Variants in FLNC observed in about 807,000 individuals in gnomAD.
The protein encoded by FLNC is filamin C, also known as filamin-C.
Under a neutral mutation model 254.3 loss-of-function variants are expected in FLNC, and 91 were observed. The ratio of observed to expected loss-of-function variants is 0.36; its 90% confidence interval spans 0.30 to 0.43. The LOEUF (loss-of-function observed/expected upper bound fraction) is 0.43. Ranked by LOEUF, FLNC falls within the 20% of genes least tolerant of loss-of-function variation. The pLI, the probability that FLNC is intolerant of heterozygous loss-of-function variation, is 1.00. For missense variants in FLNC, 2,853 were observed against 3,802.6 expected, an observed-to-expected ratio of 0.75 and a Z score of 6.57; for synonymous variants, 1,430 against 1,577.2, an observed-to-expected ratio of 0.91 and a Z score of 2.21.
rs1809046571 is a variant in FLNC, at chr7:128,856,140, C to T, written c.7252-378C>T. On this transcript the variant is annotated intron_variant, in intron 43 of 47. Transcript: ENST00000325888. The surrounding 1 kb of genome is among the most constrained non-coding windows in gnomAD (Gnocchi z 5.9). ...ACCTTCTCCAGGAAGCTCTCCCAGG[C>T]CAGGCCAGTGAAACTCAGCTTCCTA... Among the ~76,000 whole-genome samples, 1 of 152,208 alleles carries T rather than the reference C, an allele frequency of 6.6e-6. No individual in the cohort carries two copies. Among genetic ancestry groups the T allele is most frequent in the Non-Finnish European group, 1.5e-5 (1 of 68,040 alleles).
At chr7:128,855,374 G>A in intron 43 of FLNC, 60 bp downstream of exon 43, 1 of 1,095,156 alleles carries the variant, frequency 9.1e-7, no homozygotes, top group South Asian at 1.2e-5. Flanking sequence ...CAGGAGTTGA[G>A]GACAGCAGGT....
chr7:128,847,503 C>T (rs1173947385), intron 24 of FLNC, among the ~76,000 whole-genome samples, 194 bp from the exon 25 acceptor site: 1 of 152,218 alleles, frequency 6.6e-6, no homozygotes, highest in Non-Finnish European at 1.5e-5. Context: ...GAGGTTTGCC[C>T]AGCCTCAGTC....
intron 1 of FLNC, among the ~76,000 whole-genome samples, chr7:128,833,934 C>G (rs544820214): frequency 6.6e-6 from 1 of 152,102 alleles, no homozygotes; most frequent in Non-Finnish European, 1.5e-5. Context: ...GGAGCCCAGG[C>G]GGCCAGAGCC....
Position 128,838,617 on chromosome 7 carries a change from G to T in FLNC, c.1225G>T (p.Asp409Tyr). The T allele has an allele frequency of 6.2e-7, 1 of 1,613,014 alleles. No homozygotes were observed. Among genetic ancestry groups the T allele is most frequent in the Non-Finnish European group, 8.5e-7 (1 of 1,180,006 alleles). Residue 409 changes from aspartate (D) to tyrosine (Y), a missense_variant, in exon 8 of 48, where the codon GAT becomes TAT. Physicochemically the swap from Asp to Tyr is radical, Grantham distance 160. Around this residue, in one of 10 missense-constraint regions of FLNC, gnomAD observed 1,573 missense variants for 1,883.5 expected, o/e 0.84. Transcript: ENST00000325888. Reference sequence around the variant, plus strand: ...GTTTTCGGCAGGGGCCGGCACTGGCGATGTTGCTGTGGTGATCGTGGACCC... The same window carrying T: ...GTTTTCGGCAGGGGCCGGCACTGGCTATGTTGCTGTGGTGATCGTGGACCC... ...DIYTAGAGTG[D>Y]VAVVIVDPQG...
Position 128,855,233 on chromosome 7 carries a change from G to A in FLNC, c.7170G>A (p.Glu2390=). ...DYEVSIKFND[E]HIPDSPFVVP... ...AGGTCTCCATCAAGTTCAATGATGA[G>A]CACATCCCAGACAGCCCCTTTGTGG... The change falls in exon 43 of 48, where the codon GAG becomes GAA. Residue 2390 remains glutamate (E), a synonymous_variant. Coordinates refer to ENST00000325888, the MANE Select transcript of FLNC (RefSeq NM_001458.5). The A allele has an allele frequency of 6.2e-7, 1 of 1,613,628 alleles. No individual in the cohort carries two copies. The highest frequency in any genetic ancestry group is 8.5e-7 in the Non-Finnish European group (1 of 1,179,650).
rs1350832784 is a variant in FLNC at position 128,854,205 on chromosome 7, G to A, written c.6716G>A (p.Arg2239Gln). Reference sequence around the variant, plus strand: ...CTGGGATCCTTCGGCAGCATCACCCGGCAGCAGGAGGGTGAGCACCGCACA... The same window carrying A: ...CTGGGATCCTTCGGCAGCATCACCCAGCAGCAGGAGGGTGAGCACCGCACA... Reference protein sequence around the residue: ...ERLGSFGSITRQQEGEASSQD... With the variant: ...ERLGSFGSITQQQEGEASSQD... Residue 2239 changes from arginine (R) to glutamine (Q), a missense_variant, in exon 40 of 48, where the codon CGG becomes CAG. Transcript: ENST00000325888. 17 of 1,607,288 alleles carry A rather than the reference G, an allele frequency of 1.1e-5. No individual in the cohort carries two copies. Among genetic ancestry groups the A allele is most frequent in the South Asian group, 2.2e-5 (2 of 90,866 alleles).
Position 128,842,098 on chromosome 7 carries a change from G to A in FLNC, c.2122-133G>A. The A allele has an allele frequency of 1.1e-6, 1 of 927,318 alleles. No homozygotes were observed. The highest frequency in any genetic ancestry group is 1.7e-6 in the Non-Finnish European group (1 of 594,044). 57.4% of individuals were successfully genotyped at this position (927,318 alleles called of 1,614,324 possible). On this transcript the variant is annotated intron_variant, in intron 13 of 47. Coordinates refer to ENST00000325888, the MANE Select transcript of FLNC (RefSeq NM_001458.5). The surrounding 1 kb of genome is among the most constrained non-coding windows in gnomAD (Gnocchi z 5.4). ...GAGCACGTGGCCCTGGGCTCTGGTG[G>A]CCTCAGTGGCTGGTGTGGGGGCGGG... is the stretch of plus-strand genomic sequence containing the variant.
intron 8 of FLNC, 27 bp downstream of exon 8, chr7:128,838,830 G>C (rs747004046): frequency 6.2e-7 from 1 of 1,604,348 alleles, no homozygotes; most frequent in South Asian, 1.1e-5. Context: ...GCTCCCCACG[G>C]TAGCCCTTAC....
At chr7:128,845,960 C>A (rs764953062) in intron 21 of FLNC, 30 bp from the exon 22 acceptor site, 22 of 1,611,094 alleles carry the variant, frequency 1.4e-5, no homozygotes, top group Non-Finnish European at 1.9e-5. Context: ...TGCCCCCACC[C>A]CTGCTGAACA....
At position 128,848,972 on chromosome 7, in the gene FLNC, C is replaced by T; in HGVS notation, c.4917C>T (p.Cys1639=). 1 of 1,611,694 alleles carries T rather than the reference C, an allele frequency of 6.2e-7. No homozygotes were observed. Among genetic ancestry groups the T allele is most frequent in the South Asian group, 1.1e-5 (1 of 91,060 alleles). The stretch of plus-strand genomic sequence containing the variant: ...TGCCCACTGGGGATGCCAGCAAGTG[C>T]CTCGTCACAGGTGGGTGCCCACCCG... ...HALPTGDASK[C]LVTVSIGGHG... Residue 1639 remains cysteine, a synonymous_variant, in exon 28 of 48, where the codon TGC becomes TGT. Transcript: ENST00000325888.
In FLNC at chr7:128,842,311, G is replaced by C. The variant is rs769984017; in HGVS notation, c.2202G>C (p.Lys734Asn). The C allele has an allele frequency of 5.0e-6, 8 of 1,613,856 alleles. No homozygotes were observed. In the Middle Eastern group the frequency reaches 9.9e-4, roughly 200 times the overall value. ...TCCGCTGCTCCTACGTGCCCACCAAGCCCATTAAGCACACCATCATCATCT... is the reference window on the plus strand; with the variant it reads ...TCCGCTGCTCCTACGTGCCCACCAACCCCATTAAGCACACCATCATCATCT... ...GTFRCSYVPTKPIKHTIIISW... is the reference protein window; with the variant it reads ...GTFRCSYVPTNPIKHTIIISW... The change falls in exon 14 of 48, where the codon AAG becomes AAC. Residue 734 changes from lysine (K) to asparagine (N), a missense_variant. Around this residue, in one of 10 missense-constraint regions of FLNC, gnomAD observed 1,573 missense variants for 1,883.5 expected, o/e 0.84. Coordinates refer to ENST00000325888, the MANE Select transcript of FLNC (RefSeq NM_001458.5). This position sits in a 1 kb window ranked among gnomAD's most constrained non-coding sequence, Gnocchi z 5.4.
intron 1 of FLNC, among the ~76,000 whole-genome samples, chr7:128,831,926 G>A (rs1002567813): frequency 6.6e-6 from 1 of 152,174 alleles, no homozygotes; most frequent in South Asian, 2.1e-4. Context: ...GGGGCCTGGG[G>A]AAGATCCCCC....
chr7:128,845,708 T>A (rs1808531909), intron 21 of FLNC, among the ~76,000 whole-genome samples: 1 of 151,158 alleles, frequency 6.6e-6, no homozygotes, highest in African/African-American at 2.4e-5. Context: ...CACAGCCTGG[T>A]GGGTGACTCA....
chr7:128,853,047 G>GA lies in FLNC; in HGVS notation c.6208+17dup, dbSNP rs1159094051. Reference sequence around the variant, plus strand: ...CGCAATGCAGGTACCTCCTGCCCCAGAGAGCCCCCATTCCAGCGGGTGCCT... The same window carrying GA: ...CGCAATGCAGGTACCTCCTGCCCCAGAAGAGCCCCCATTCCAGCGGGTGCCT... On this transcript the variant is annotated intron_variant, in intron 37 of 47. Coordinates refer to ENST00000325888, the MANE Select transcript of FLNC (RefSeq NM_001458.5). The GA allele has an allele frequency of 6.2e-7, 1 of 1,610,572 alleles. No homozygotes were observed. Among genetic ancestry groups the GA allele is most frequent in the African/African-American group, 1.3e-5 (1 of 74,842 alleles).
At chr7:128,850,167 C>T (rs1477162846) in intron 31 of FLNC, 93 bp downstream of exon 31, 3 of 1,158,798 alleles carry the variant, frequency 2.6e-6, no homozygotes, top group Admixed American at 3.9e-5. Flanking sequence ...GGGACATGGT[C>T]TGGGGGCCTC....
At chr7:128,852,802 C>T in intron 36 of FLNC, 26 bp from the exon 37 acceptor site, 8 of 1,613,720 alleles carry the variant, frequency 5.0e-6, no homozygotes, top group Non-Finnish European at 6.8e-6. Flanking sequence ...CCACAGGATG[C>T]TCTGCCTAAC....
chr7:128,846,557 C>A, intron 23 of FLNC, 94 bp downstream of exon 23: 1 of 1,511,566 alleles, frequency 6.6e-7, no homozygotes, highest in Non-Finnish European at 9.1e-7. Flanking sequence ...TCAGCCCCAC[C>A]CCATCCTCTC....
Position 128,853,367 on chromosome 7 carries a change from A to G in FLNC, c.6209-102A>G, listed in dbSNP as rs1024828906. 1.4e-5 allele frequency: 20 copies of G among 1,447,768 alleles called. No individual in the cohort carries two copies. The Middle Eastern group carries it at 1.1e-3, about 82-fold the overall frequency. 89.7% of individuals were successfully genotyped at this position (1,447,768 alleles called of 1,614,324 possible). ...ATTTTTGTTAGTGGTCACTACACAC[A>G]TCGGTGCCCATTCTGGGTGGAGCCT... On this transcript the variant is annotated intron_variant, in intron 37 of 47. Transcript: ENST00000325888.
intron 18 of FLNC, 65 bp from the exon 19 acceptor site, chr7:128,843,731 T>G (rs1378387757): frequency 6.5e-7 from 1 of 1,529,036 alleles, no homozygotes; most frequent in Non-Finnish European, 9.1e-7. Flanking sequence ...GAGCCCATAT[T>G]CACCACCAGG....
Sources: allele counts gnomAD v4.1 joint callset (sites outside exome capture counted in the v4.1 genomes callset), GRCh38; gene constraint gnomAD v4.1.1; regional missense constraint gnomAD v4.1.1; non-coding constraint Gnocchi (gnomAD v3.1); transcripts MANE v1.5; gene names NCBI Gene and HGNC (gene_info 2026-07-23, HGNC 2026-07-21).